VOPP1: variants seen among roughly 807,000 people sequenced by gnomAD.
VOPP1 encodes WW domain binding protein VOPP1.
In VOPP1, 8 loss-of-function variants were observed where a neutral mutation model predicts 23.5. That is an observed-to-expected ratio of 0.34 (90% confidence interval 0.20 to 0.61). The LOEUF is 0.61. Among genes scored for constraint, VOPP1 ranks in the 20% least tolerant of loss-of-function variants. The probability of loss-of-function intolerance (pLI) is 0.78; values close to 1 mark genes in which losing one functional copy is unlikely to be tolerated. For missense variants in VOPP1, 174 were observed against 238.1 expected, an observed-to-expected ratio of 0.73 and a Z score of 1.77; for synonymous variants, 83 against 97.3, an observed-to-expected ratio of 0.85 and a Z score of 0.86.
At chr7:55,518,160 G>A (rs1287046890) in intron 2 of VOPP1, among the ~76,000 whole-genome samples, 1 of 152,202 alleles carries the variant, frequency 6.6e-6, no homozygotes, top group African/African-American at 2.4e-5. Flanking sequence ...TGGCAGGTCA[G>A]AATTCGCAGT....
At chr7:55,521,277 A>G (rs1483289407) in intron 1 of VOPP1, 147 bp from the exon 2 acceptor site, 2 of 810,370 alleles carry the variant, frequency 2.5e-6, no homozygotes, top group Non-Finnish European at 3.8e-6. Flanking sequence ...CATTACAGGG[A>G]GAGCCGCCCC....
At chr7:55,500,258 G>A (rs950852291) in intron 2 of VOPP1, among the ~76,000 whole-genome samples, 9 of 152,190 alleles carry the variant, frequency 5.9e-5, no homozygotes, top group African/African-American at 1.9e-4. Context: ...AACATTCAAC[G>A]AGATGGTGTG....
In VOPP1 at chr7:55,542,131, T is replaced by C. The variant is rs370978821; in HGVS notation, c.55-21001A>G. Among the ~76,000 whole-genome samples the C allele has an allele frequency of 1.4e-4, 22 of 152,318 alleles. No individual in the cohort carries two copies. In the East Asian group the frequency reaches 4.0e-3, roughly 28 times the overall value. On this transcript the variant is annotated intron_variant, in intron 1 of 4. Transcript: ENST00000285279. ...AGCATGTATTTTTTTTAACAAATTTTATGGATTCCTAATAGTTGTACATAT... is the reference window on the plus strand; with the variant it reads ...AGCATGTATTTTTTTTAACAAATTTCATGGATTCCTAATAGTTGTACATAT...
At chr7:55,541,552 C>T (rs1183262420) in intron 1 of VOPP1, among the ~76,000 whole-genome samples, 1 of 152,230 alleles carries the variant, frequency 6.6e-6, no homozygotes, top group Non-Finnish European at 1.5e-5. Flanking sequence ...ATCAGTCTAG[C>T]AGTTCCTCAA....
intron 4 of VOPP1, among the ~76,000 whole-genome samples, chr7:55,453,228 GTTT>G (rs1418480245): frequency 2.6e-5 from 4 of 152,132 alleles, no homozygotes; most frequent in African/African-American, 9.7e-5. Flanking sequence ...TTTTTCTGCA[GTTT>G]CCTCACCTCT....
rs750529839 is a variant in VOPP1 at position 55,497,633 on chromosome 7, T to C, written c.171A>G (p.Ile57Met). The C allele has an allele frequency of 6.5e-5, 104 of 1,607,944 alleles. No individual in the cohort carries two copies. Among genetic ancestry groups the C allele is most frequent in the African/African-American group, 9.5e-5 (7 of 73,638 alleles). ...CCTACCAGAAGTACCACAGCCTCTGTATGGAGAGGGCCCGCACACAGCACC... is the reference window on the plus strand; with the variant it reads ...CCTACCAGAAGTACCACAGCCTCTGCATGGAGAGGGCCCGCACACAGCACC... ...GSRCCVRALS[I>M]QRLWYFWFLL... Residue 57 changes from isoleucine to methionine, a missense_variant, in exon 3 of 5, where the codon ATA (isoleucine) becomes ATG (methionine). Physicochemically the swap from Ile to Met is conservative, Grantham distance 10. Coordinates refer to ENST00000285279, the MANE Select transcript of VOPP1 (RefSeq NM_030796.5).
At chr7:55,480,135 A>C (rs1477595677) in intron 4 of VOPP1, among the ~76,000 whole-genome samples, 2 of 152,258 alleles carry the variant, frequency 1.3e-5, no homozygotes, top group Admixed American at 6.5e-5. Context: ...TTACAACATG[A>C]ATACGTAGCA....
intron 1 of VOPP1, chr7:55,537,479 G>C: frequency 6.5e-7 from 1 of 1,536,030 alleles, no homozygotes; most frequent in Non-Finnish European, 8.7e-7. Flanking sequence ...ACAGCAAACT[G>C]AACCACCAGC....
intron 1 of VOPP1, among the ~76,000 whole-genome samples, chr7:55,570,072 T>G (rs1562638672): frequency 6.6e-6 from 1 of 152,108 alleles, no homozygotes; most frequent in Non-Finnish European, 1.5e-5. Flanking sequence ...TGGGTTGCTT[T>G]TATGCACTCA....
At chr7:55,461,486 A>C (rs1791500087) in intron 4 of VOPP1, among the ~76,000 whole-genome samples, 1 of 152,134 alleles carries the variant, frequency 6.6e-6, no homozygotes, top group Non-Finnish European at 1.5e-5. Context: ...ATCTCAGCTC[A>C]CTGCCACCTC....
At chr7:55,486,095 G>A (rs768953464) in intron 4 of VOPP1, among the ~76,000 whole-genome samples, 2 of 152,226 alleles carry the variant, frequency 1.3e-5, no homozygotes, top group South Asian at 2.1e-4. Context: ...CAGAGGCTCC[G>A]GCTCCACCTC....
intron 1 of VOPP1, among the ~76,000 whole-genome samples, chr7:55,547,854 G>A (rs1797434370): frequency 6.6e-6 from 1 of 152,162 alleles, no homozygotes; most frequent in African/African-American, 2.4e-5. Flanking sequence ...CCTAGTAGAT[G>A]TGGCTGGGCA....
At chr7:55,469,484 A>C (rs1791719576), downstream of VOPP1, among the ~76,000 whole-genome samples, 1 of 152,206 alleles carries the variant, frequency 6.6e-6, no homozygotes, top group Non-Finnish European at 1.5e-5. Context: ...ATATTAAAAA[A>C]ATCAAACAGA....
intron 1 of VOPP1, among the ~76,000 whole-genome samples, chr7:55,568,540 G>A (rs1798240029): frequency 6.6e-6 from 1 of 152,222 alleles, no homozygotes; most frequent in South Asian, 2.1e-4. Flanking sequence ...CTTGGAAGCA[G>A]AGGCACTGGT....
chr7:55,501,772 A>G (rs1794386862), intron 2 of VOPP1, among the ~76,000 whole-genome samples: 1 of 152,078 alleles, frequency 6.6e-6, no homozygotes, highest in African/African-American at 2.4e-5. Context: ...TGCAGAACAG[A>G]GACGACATAC....
intron 1 of VOPP1, among the ~76,000 whole-genome samples, chr7:55,555,168 G>A (rs1210473894): frequency 6.6e-6 from 1 of 152,222 alleles, no homozygotes; most frequent in Non-Finnish European, 1.5e-5. Context: ...GTAGAACTTG[G>A]AGAAGTAGTG....
At chr7:55,510,340 T>C (rs1583971075) in intron 2 of VOPP1, among the ~76,000 whole-genome samples, 1 of 152,354 alleles carries the variant, frequency 6.6e-6, no homozygotes, top group East Asian at 1.9e-4. Flanking sequence ...TACCCTTATC[T>C]TGTCTCCTAC....
chr7:55,460,680 T>C (rs911931981), intron 4 of VOPP1, among the ~76,000 whole-genome samples: 1 of 152,250 alleles, frequency 6.6e-6, no homozygotes, highest in Non-Finnish European at 1.5e-5. Context: ...TTTGTACCAA[T>C]CTAATATATC....
intron 1 of VOPP1, among the ~76,000 whole-genome samples, chr7:55,550,584 T>C (rs1027024430): frequency 2.6e-5 from 4 of 152,186 alleles, no homozygotes; most frequent in Non-Finnish European, 4.4e-5. Flanking sequence ...AAGATGTTCA[T>C]TTCAGCATTC....
Sources: allele counts gnomAD v4.1 joint callset (sites outside exome capture counted in the v4.1 genomes callset), GRCh38; gene constraint gnomAD v4.1.1; transcripts MANE v1.5; gene names NCBI Gene and HGNC (gene_info 2026-07-23, HGNC 2026-07-21).